Variants in DCST1 observed in about 807,000 individuals in gnomAD.
DCST1 encodes the protein DC-STAMP domain containing 1.
A neutral mutation model predicts 89.1 loss-of-function variants in DCST1; 78 were observed. The ratio of observed to expected loss-of-function variants is 0.88; its 90% CI spans 0.73 to 1.06. The LOEUF (loss-of-function observed/expected upper bound fraction) is 1.06. Ranked by LOEUF, DCST1 falls within the 50% of genes least tolerant of loss-of-function variation. DCST1 has a pLI of 0.00. For synonymous variants in DCST1, 364 were observed against 371.9 expected, an observed-to-expected ratio of 0.98 and a Z score of 0.24; for missense variants, 900 against 928.6, an observed-to-expected ratio of 0.97 and a Z score of 0.40.
chr1:155,050,384 G>A (rs12085572), intron 16 of DCST1, among the ~76,000 whole-genome samples: 2,481 of 152,344 alleles, frequency 0.016, 54 homozygotes, highest in African/African-American at 0.057. Context: ...GTGCAAATGA[G>A]AGTTGTGGCT....
At position 155,047,192 on chromosome 1, in the gene DCST1, G is replaced by T; in HGVS notation, c.1496-4G>T. 6.2e-7 allele frequency: 1 copy of T among 1,613,030 alleles called. No individual in the cohort carries two copies. The highest frequency in any genetic ancestry group is 1.7e-5 in the Admixed American group (1 of 60,018). ...GACTTCCCTACCTGTCCTCCTGGCCGCAGGCAGTCATAAACTGGAGGTGAA... is the reference window on the plus strand; with the variant it reads ...GACTTCCCTACCTGTCCTCCTGGCCTCAGGCAGTCATAAACTGGAGGTGAA... On this transcript the variant is annotated splice_region_variant and splice_polypyrimidine_tract_variant and intron_variant, in intron 13 of 16. Transcript: ENST00000295542.
rs1488593202 is a variant in DCST1 at position 155,049,123 on chromosome 1, T to C, written c.1869+953T>C. Reference sequence around the variant, plus strand: ...ACTCCGGTGCCAGAGGGCCTAAGTGTGTATCCCGGCTCCTTCCCTCATTAC... The same window carrying C: ...ACTCCGGTGCCAGAGGGCCTAAGTGCGTATCCCGGCTCCTTCCCTCATTAC... On this transcript the variant is annotated intron_variant, in intron 16 of 16. Transcript: ENST00000295542. 1.8e-5 allele frequency: 13 copies of C among 713,344 alleles called. No homozygotes were observed. In the East Asian group the frequency reaches 3.5e-4, roughly 19 times the overall value. 44.2% of individuals were successfully genotyped at this position (713,344 alleles called of 1,614,324 possible).
chr1:155,034,057 G>T lies in DCST1; in HGVS notation c.21G>T (p.Gln7His). ...GACTCATGGACATTAAACATCATCA[G>T]AATGGCACAAGAGGGCAAAGAAGAA... MDIKHH[Q>H]NGTRGQRRKQ... Residue 7 changes from glutamine to histidine, a missense_variant, in exon 2 of 17, where the codon CAG (glutamine) becomes CAT (histidine). Gln to His is a conservative substitution (Grantham distance 24, BLOSUM62 0). Transcript: ENST00000295542. The T allele has an allele frequency of 1.2e-6, 2 of 1,614,096 alleles. No individual in the cohort carries two copies. Among genetic ancestry groups the T allele is most frequent in the Non-Finnish European group, 1.7e-6 (2 of 1,180,024 alleles).
In DCST1 at chr1:155,043,426, G is replaced by T. The variant is rs761909490; in HGVS notation, c.1089G>T (p.Val363=). Residue 363 remains valine (V), a synonymous_variant, in exon 10 of 17, where the codon GTG becomes GTT. Coordinates refer to ENST00000295542, the MANE Select transcript of DCST1 (RefSeq NM_152494.4). ...TGAGCACCGAGGTGCGGGACTACGT[G>T]TACCGCCAGGAGGCCCGGCTGGAGT... ...ERVSTEVRDY[V]YRQEARLEWA... 3 of 1,613,518 alleles carry T rather than the reference G, an allele frequency of 1.9e-6. No homozygotes were observed. The highest frequency in any genetic ancestry group is 4.5e-5 in the East Asian group (2 of 44,872).
chr1:155,046,597 C>A, intron 13 of DCST1, 111 bp downstream of exon 13: 2 of 429,862 alleles, frequency 4.7e-6, no homozygotes, highest in South Asian at 3.0e-5. Flanking sequence ...CGTCCTTCTG[C>A]CTCTTTTTTT....
Position 155,047,891 on chromosome 1 carries a change from C to T in DCST1, c.1717C>T (p.Arg573Ter), listed in dbSNP as rs1201791603. 5.0e-6 allele frequency: 8 copies of T among 1,614,138 alleles called. No homozygotes were observed. In the South Asian group the frequency reaches 5.5e-5, roughly 11 times the overall value. The change falls in exon 15 of 17, where the codon CGA (arginine) becomes TGA (stop). Residue 573 changes from arginine (R) to a stop codon, truncating the protein, a stop_gained. Transcript: ENST00000295542. LOFTEE classifies it high-confidence loss of function. ...CLCLLQAFGY[R>*]LRRVIAAFYF... is the part of the protein sequence containing the mutation. Reference sequence around the variant, plus strand: ...CTGCCTGTTACAGGCTTTTGGCTACCGACTCCGGAGGGTCATCGCAGCCTT... The same window carrying T: ...CTGCCTGTTACAGGCTTTTGGCTACTGACTCCGGAGGGTCATCGCAGCCTT...
chr1:155,050,401 C>T (rs976798902), intron 16 of DCST1, among the ~76,000 whole-genome samples: 1 of 152,218 alleles, frequency 6.6e-6, no homozygotes, highest in South Asian at 2.1e-4. Flanking sequence ...GGCTGATATC[C>T]GCTTGGAGAG....
intron 16 of DCST1, chr1:155,049,008 TCA>T: frequency 1.4e-6 from 1 of 717,038 alleles, no homozygotes; most frequent in Non-Finnish European, 2.6e-6. Context: ...TCACTGAGCC[TCA>T]GTTTCTCCCT....
rs1231820866 is a variant in DCST1 at position 155,048,130 on chromosome 1, G to A, written c.1829G>A (p.Arg610Lys). The part of the protein sequence containing the change: ...KKRAAFTKLR[R>K]AAILRRERQQ... ...AGAGCAGCCTTCACCAAACTCAGGAGGGCCGCTATCCTGAGGCGGGAGCGA... is the reference window on the plus strand; with the variant it reads ...AGAGCAGCCTTCACCAAACTCAGGAAGGCCGCTATCCTGAGGCGGGAGCGA... Residue 610 changes from arginine (R) to lysine (K), a missense_variant, in exon 16 of 17, where the codon AGG becomes AAG. Coordinates refer to ENST00000295542, the MANE Select transcript of DCST1 (RefSeq NM_152494.4). 6.2e-7 allele frequency: 1 copy of A among 1,614,042 alleles called. No homozygotes were observed. Among genetic ancestry groups the A allele is most frequent in the Non-Finnish European group, 8.5e-7 (1 of 1,180,010 alleles).
In DCST1 at chr1:155,050,896, C is replaced by A. The variant is rs1391222527; in HGVS notation, c.*28C>A. 8.8e-6 allele frequency: 14 copies of A among 1,598,928 alleles called. No individual in the cohort carries two copies. The highest frequency in any genetic ancestry group is 1.2e-5 in the Non-Finnish European group (14 of 1,168,766). On this transcript the variant is annotated 3_prime_UTR_variant, in exon 17 of 17. Coordinates refer to ENST00000295542, the MANE Select transcript of DCST1 (RefSeq NM_152494.4). ...AGGCGTCCTGCTCGCTCTTCCGCAC[C>A]GTCCTTCCCGGTTAATAAAATGCCC...
chr1:155,047,162 G>T, intron 13 of DCST1, 34 bp from the exon 14 acceptor site: 1 of 1,561,572 alleles, frequency 6.4e-7, no homozygotes, highest in Non-Finnish European at 8.8e-7. Context: ...TTCTCCACCT[G>T]CCCTGACTTC....
At chr1:155,038,276 G>A (rs1204136489) in intron 4 of DCST1, among the ~76,000 whole-genome samples, 2 of 152,262 alleles carry the variant, frequency 1.3e-5, no homozygotes, top group Non-Finnish European at 2.9e-5. Context: ...TCAGGAGGCA[G>A]GCAGGAGCCA....
Position 155,047,222 on chromosome 1 carries a change from G to A in DCST1, c.1522G>A (p.Gly508Arg), listed in dbSNP as rs200041699. The change falls in exon 14 of 17, where the codon GGG becomes AGG. Residue 508 changes from glycine (G) to arginine (R), a missense_variant. Transcript: ENST00000295542. Reference protein sequence around the residue: ...RSSHKLEVKVGGDSMLARLLR... With the variant: ...RSSHKLEVKVRGDSMLARLLR... ...CAGTCATAAACTGGAGGTGAAGGTC[G>A]GGGGAGACTCCATGCTAGCCCGGCT... The A allele has an allele frequency of 7.3e-5, 118 of 1,614,146 alleles. No homozygotes were observed. Among genetic ancestry groups the A allele is most frequent in the African/African-American group, 2.0e-4 (15 of 75,022 alleles).
Position 155,040,519 on chromosome 1 carries a change from C to T in DCST1, c.426C>T (p.Asn142=), listed in dbSNP as rs766285350. The T allele has an allele frequency of 8.1e-6, 13 of 1,596,976 alleles. No individual in the cohort carries two copies. The highest frequency in any genetic ancestry group is 8.5e-6 in the Non-Finnish European group (10 of 1,171,064). The part of the protein sequence containing the change: ...PVANLRHNLN[N]VIASLGCTVE... ...CCAATCTGCGACACAATCTCAACAACGTGATCGCATCGCTGGGCTGCACCG... is the reference window on the plus strand; with the variant it reads ...CCAATCTGCGACACAATCTCAACAATGTGATCGCATCGCTGGGCTGCACCG... Residue 142 remains asparagine (N), a synonymous_variant, in exon 6 of 17, where the codon AAC becomes AAT. Transcript: ENST00000295542.
intron 10 of DCST1, among the ~76,000 whole-genome samples, chr1:155,044,978 A>G (rs1660568937): frequency 1.3e-5 from 2 of 152,160 alleles, no homozygotes; most frequent in African/African-American, 4.8e-5. Flanking sequence ...GCACAGAGTC[A>G]AAAGCTACTT....
intron 16 of DCST1, among the ~76,000 whole-genome samples, chr1:155,049,457 C>G (rs1256233903): frequency 6.6e-6 from 1 of 151,768 alleles, no homozygotes; most frequent in African/African-American, 2.4e-5. Flanking sequence ...CTCTGTCGCC[C>G]AGGCTGGAGT....
chr1:155,050,465 C>G, intron 16 of DCST1, 152 bp from the exon 17 acceptor site: 1 of 1,052,336 alleles, frequency 9.5e-7, no homozygotes, highest in South Asian at 1.7e-5. Flanking sequence ...GAGGGAGGCA[C>G]CCTCGCCCTC....
intron 4 of DCST1, among the ~76,000 whole-genome samples, chr1:155,035,836 A>C (rs1415533381): frequency 6.6e-6 from 1 of 152,030 alleles, no homozygotes; most frequent in Non-Finnish European, 1.5e-5. Flanking sequence ...AGGCTGAGGC[A>C]GGAGGCTTGC....
At chr1:155,040,004 A>G (rs1210094885) in intron 5 of DCST1, among the ~76,000 whole-genome samples, 14 of 139,980 alleles carry the variant, frequency 1.0e-4, no homozygotes, top group Admixed American at 9.7e-4. Flanking sequence ...AAAAAAAAAA[A>G]AAAAAAAAAA....
Sources: allele counts gnomAD v4.1 joint callset (sites outside exome capture counted in the v4.1 genomes callset), GRCh38; gene constraint gnomAD v4.1.1; transcripts MANE v1.5; gene names NCBI Gene and HGNC (gene_info 2026-07-23, HGNC 2026-07-21).